The following TOP6BL variants were observed in gnomAD, a reference collection of about 807,000 sequenced individuals.
The protein encoded by TOP6BL is TOP6B like initiator of meiotic double strand breaks.
chr11:66,744,846 G>C, the TOP6BL span: 104 of 1,281,970 alleles, frequency 8.1e-5, no homozygotes, highest in Non-Finnish European at 9.9e-5. Flanking sequence ...GCGGCGGCGG[G>C]CGGGTACCCT....
the TOP6BL span, among the ~76,000 whole-genome samples, chr11:66,747,257 A>G: frequency 2.0e-5 from 3 of 152,158 alleles, no homozygotes; most frequent in Admixed American, 6.5e-5. Context: ...TTACCCAGAC[A>G]TCTTGGAGTC....
the TOP6BL span, among the ~76,000 whole-genome samples, chr11:66,812,185 C>CTTTTTTTTT: frequency 2.9e-5 from 4 of 140,294 alleles, no homozygotes; most frequent in Non-Finnish European, 4.6e-5. Context: ...GAGTTTGCAT[C>CTTTTTTTTT]TTTTTTTTTG....
chr11:66,795,909 TA>T, the TOP6BL span: 1 of 159,142 alleles, frequency 6.3e-6, no homozygotes, highest in Non-Finnish European at 1.4e-5. Flanking sequence ...AATTTCTTTC[TA>T]AAAAAGCATA....
chr11:66,758,939 TA>T, the TOP6BL span: 1 of 693,932 alleles, frequency 1.4e-6, no homozygotes, highest in Non-Finnish European at 2.3e-6. Flanking sequence ...GGTCACTTTT[TA>T]AATGTTCTGT....
the TOP6BL span, among the ~76,000 whole-genome samples, chr11:66,789,624 A>G: frequency 2.0e-5 from 3 of 152,318 alleles, no homozygotes; most frequent in East Asian, 5.8e-4. Flanking sequence ...GATTCCAGTG[A>G]ACCAAGAAGG....
chr11:66,808,148 G>A, the TOP6BL span, among the ~76,000 whole-genome samples: 138 of 152,294 alleles, frequency 9.1e-4, 1 homozygote, highest in African/African-American at 3.3e-3. Context: ...TGTAAGAAAG[G>A]ACAAGATAAT....
the TOP6BL span, among the ~76,000 whole-genome samples, chr11:66,755,800 T>C: frequency 5.3e-5 from 8 of 152,186 alleles, no homozygotes; most frequent in African/African-American, 1.9e-4. Context: ...TGACAATCCT[T>C]GGTATTTCTT....
At chr11:66,758,157 G>A in the TOP6BL span, 3 of 983,754 alleles carry the variant, frequency 3.0e-6, no homozygotes, top group Non-Finnish European at 3.6e-6. Flanking sequence ...AAGCCTCTAG[G>A]TAGTTCTGAT....
the TOP6BL span, among the ~76,000 whole-genome samples, chr11:66,792,025 T>C: frequency 3.0e-4 from 46 of 152,300 alleles, no homozygotes; most frequent in South Asian, 7.9e-3. Flanking sequence ...GTTAGCCAGA[T>C]GGTCTCGATC....
the TOP6BL span, among the ~76,000 whole-genome samples, chr11:66,767,230 T>C: frequency 6.6e-6 from 1 of 152,228 alleles, no homozygotes. Flanking sequence ...ACATGTTAAA[T>C]GTGTGCTACT....
chr11:66,827,418 G>C, the TOP6BL span, among the ~76,000 whole-genome samples: 2 of 152,014 alleles, frequency 1.3e-5, no homozygotes, highest in Admixed American at 1.3e-4. Flanking sequence ...TTATTACCCT[G>C]GTCCCCTTTA....
chr11:66,757,390 C>T, the TOP6BL span, among the ~76,000 whole-genome samples: 5 of 152,052 alleles, frequency 3.3e-5, no homozygotes, highest in Non-Finnish European at 7.4e-5. Context: ...GTTAAATGTT[C>T]TGTGCTGCTT....
At chr11:66,807,972 A>T in the TOP6BL span, among the ~76,000 whole-genome samples, 1 of 152,234 alleles carries the variant, frequency 6.6e-6, no homozygotes, top group Non-Finnish European at 1.5e-5. Context: ...TTGAAATTGG[A>T]TTAGGATGAT....
the TOP6BL span, among the ~76,000 whole-genome samples, chr11:66,841,759 G>A: frequency 7.2e-5 from 11 of 152,156 alleles, no homozygotes; most frequent in Admixed American, 2.6e-4. Context: ...CTACAATCAC[G>A]CCACTGCACT....
the TOP6BL span, among the ~76,000 whole-genome samples, chr11:66,763,146 A>T: frequency 2.6e-5 from 4 of 152,214 alleles, no homozygotes; most frequent in African/African-American, 9.6e-5. Flanking sequence ...GGCTGCAGTG[A>T]GCTATGATCA....
chr11:66,829,993 C>A, the TOP6BL span, among the ~76,000 whole-genome samples: 2 of 152,040 alleles, frequency 1.3e-5, no homozygotes, highest in Admixed American at 6.5e-5. Context: ...CAACATAATT[C>A]TCTCAATAAT....
chr11:66,841,370 C>T, the TOP6BL span, among the ~76,000 whole-genome samples: 1 of 152,054 alleles, frequency 6.6e-6, no homozygotes, highest in Non-Finnish European at 1.5e-5. Flanking sequence ...CCCGCCTCGG[C>T]CCCCCAAAGT....
At chr11:66,794,874 T>C in the TOP6BL span, among the ~76,000 whole-genome samples, 1 of 152,216 alleles carries the variant, frequency 6.6e-6, no homozygotes, top group Non-Finnish European at 1.5e-5. Flanking sequence ...GGCTCACTTC[T>C]GTAATCCCAG....
chr11:66,822,488 G>A, the TOP6BL span: 18 of 912,266 alleles, frequency 2.0e-5, no homozygotes, highest in Admixed American at 3.0e-4. Flanking sequence ...TGATGGAAAT[G>A]TGTGGGCCCT....
Sources: gnomAD v4.1 joint callset for allele counts (sites outside exome capture counted in the v4.1 genomes callset) on GRCh38, gnomAD v4.1.1 for gene constraint, MANE v1.5 for transcripts, NCBI Gene and HGNC (gene_info 2026-07-23, HGNC 2026-07-21) for gene names.